Variants in XKR4 observed in about 807,000 individuals in gnomAD.
XKR4 encodes the protein XK related 4, also known as XK-related protein 4.
A neutral mutation model predicts 53.9 loss-of-function variants in XKR4; 12 were observed. That is an observed-to-expected ratio of 0.22 (90% confidence interval 0.14 to 0.36). The LOEUF is 0.36. XKR4 is among the 10% of genes least tolerant of loss of function. The pLI is 1.00. For synonymous variants in XKR4, 354 were observed against 362.4 expected (o/e 0.98, Z 0.26); for missense variants, 799 against 859.5 (o/e 0.93, Z 0.88).
At chr8:55,330,459 G>A (rs1803367281) in intron 1 of XKR4, among the ~76,000 whole-genome samples, 1 of 152,100 alleles carries the variant, frequency 6.6e-6, no homozygotes, top group African/African-American at 2.4e-5. Context: ...ACTTGTGTAA[G>A]TAGTGAATTC....
At chr8:55,429,490 C>T (rs1208463643) in intron 2 of XKR4, among the ~76,000 whole-genome samples, 5 of 151,990 alleles carry the variant, frequency 3.3e-5, no homozygotes, top group African/African-American at 7.2e-5. Context: ...AGGAGAATTG[C>T]TTGAGGCCAG....
intron 2 of XKR4, among the ~76,000 whole-genome samples, chr8:55,496,503 A>G (rs184754750): frequency 6.6e-6 from 1 of 152,356 alleles, no homozygotes; most frequent in East Asian, 1.9e-4. Context: ...TACTCATCTA[A>G]AAATTAGGGC....
intron 2 of XKR4, among the ~76,000 whole-genome samples, chr8:55,428,840 C>T (rs1563347655): frequency 6.6e-6 from 1 of 152,204 alleles, no homozygotes; most frequent in African/African-American, 2.4e-5. Context: ...ATAGCAAAGT[C>T]GTCAATTCTT....
intron 2 of XKR4, among the ~76,000 whole-genome samples, chr8:55,521,376 T>A (rs571594361): frequency 6.6e-6 from 1 of 152,356 alleles, no homozygotes; most frequent in Non-Finnish European, 1.5e-5. Flanking sequence ...CCTTCTTTTG[T>A]CATTTTTTAA....
intron 1 of XKR4, among the ~76,000 whole-genome samples, chr8:55,120,743 G>A (rs929810364): frequency 3.3e-5 from 5 of 152,052 alleles, no homozygotes; most frequent in Admixed American, 1.3e-4. Flanking sequence ...ATGAACTAAA[G>A]TCTATAGTTT....
At chr8:55,488,579 T>G (rs1806227043) in intron 2 of XKR4, among the ~76,000 whole-genome samples, 1 of 152,148 alleles carries the variant, frequency 6.6e-6, no homozygotes, top group Non-Finnish European at 1.5e-5. Context: ...CAGAAGCCAA[T>G]CTGAAAAGAC....
intron 1 of XKR4, among the ~76,000 whole-genome samples, chr8:55,166,306 A>C (rs1199829142): frequency 6.6e-6 from 1 of 152,240 alleles, no homozygotes; most frequent in Non-Finnish European, 1.5e-5. Flanking sequence ...TCTACAGAGA[A>C]GTTCCAGCAC....
chr8:55,225,526 A>G (rs959400593), intron 1 of XKR4, among the ~76,000 whole-genome samples: 2 of 152,198 alleles, frequency 1.3e-5, no homozygotes, highest in Non-Finnish European at 1.5e-5. Context: ...GCCTGGAAAT[A>G]TCTATGGAAC....
chr8:55,319,769 A>C (rs1025983069), intron 1 of XKR4, among the ~76,000 whole-genome samples: 2 of 152,374 alleles, frequency 1.3e-5, no homozygotes, highest in South Asian at 2.1e-4. Context: ...TCTAGGAAGT[A>C]AGTTATTTTT....
At position 55,527,491 on chromosome 8, in the gene XKR4, A is replaced by T. The variant is rs759459696; in HGVS notation, c.*3264A>T. On this transcript the variant is annotated 3_prime_UTR_variant, in exon 3 of 3. Coordinates refer to ENST00000327381, the MANE Select transcript of XKR4 (RefSeq NM_052898.2). The stretch of plus-strand genomic sequence containing the variant: ...ATTTCTAAATATGAAACCATGTTTA[A>T]TGAATATATATAATGTGTGTGTGTG... 3.9e-5 allele frequency: 6 copies of T among 152,216 alleles called. No individual in the cohort carries two copies. The highest frequency in any genetic ancestry group is 8.8e-5 in the Non-Finnish European group (6 of 68,024). The allele number at this position is 152,216 out of a possible 1,614,324, so 9.4% of individuals were successfully genotyped here.
rs1421939200 is a variant in XKR4 at position 55,540,553 on chromosome 8, C to G, written c.*16326C>G. On this transcript the variant is annotated 3_prime_UTR_variant, in exon 3 of 3. Coordinates refer to ENST00000327381, the MANE Select transcript of XKR4 (RefSeq NM_052898.2). ...CTACTAAATAGTTTCTGCTTTTCCTCTCTGTAGCCAGACAGCTCAATAGCC... is the reference window on the plus strand; with the variant it reads ...CTACTAAATAGTTTCTGCTTTTCCTGTCTGTAGCCAGACAGCTCAATAGCC... 1.3e-5 allele frequency: 2 copies of G among 152,180 alleles called. No homozygotes were observed. Among genetic ancestry groups the G allele is most frequent in the Non-Finnish European group, 2.9e-5 (2 of 68,040 alleles). 9.4% of individuals were successfully genotyped at this position (152,180 alleles called of 1,614,324 possible). A position where few individuals can be genotyped will look rare whatever the true frequency, so the allele number is the denominator to read the frequency against.
At chr8:55,508,178 C>T (rs760697204) in intron 2 of XKR4, among the ~76,000 whole-genome samples, 1 of 152,014 alleles carries the variant, frequency 6.6e-6, no homozygotes, top group South Asian at 2.1e-4. Flanking sequence ...CTATTAGGGA[C>T]ATGTCTTGGT....
chr8:55,311,403 G>T (rs1379484555), intron 1 of XKR4, among the ~76,000 whole-genome samples: 1 of 152,154 alleles, frequency 6.6e-6, no homozygotes, highest in Non-Finnish European at 1.5e-5. Flanking sequence ...AGCAAAATAG[G>T]GAAGTGGTGA....
intron 1 of XKR4, among the ~76,000 whole-genome samples, chr8:55,296,983 G>A (rs575905754): frequency 6.6e-6 from 1 of 152,226 alleles, no homozygotes; most frequent in African/African-American, 2.4e-5. Context: ...AATGCTTAAC[G>A]ATTGAGGGTC....
intron 2 of XKR4, among the ~76,000 whole-genome samples, chr8:55,440,141 T>A (rs1395394): frequency 0.72 from 109,873 of 152,110 alleles, 40,773 homozygotes; most frequent in African/African-American, 0.91. Context: ...GTATCCAGAA[T>A]ATAGTATGTT....
At chr8:55,317,495 C>A (rs2129378995) in intron 1 of XKR4, among the ~76,000 whole-genome samples, 1 of 152,294 alleles carries the variant, frequency 6.6e-6, no homozygotes, top group South Asian at 2.1e-4. Flanking sequence ...ACTCATACTG[C>A]ATCTGAGAAA....
At chr8:55,191,075 T>C (rs185621010) in intron 1 of XKR4, among the ~76,000 whole-genome samples, 5 of 152,314 alleles carry the variant, frequency 3.3e-5, no homozygotes, top group Non-Finnish European at 5.9e-5. Flanking sequence ...CCTTAGTCTG[T>C]AGCTCTGTGG....
rs572706593 is a variant in XKR4, at chr8:55,171,950, G to A, written c.806+68656G>A. Among the ~76,000 whole-genome samples the A allele has an allele frequency of 1.4e-4, 22 of 152,152 alleles. No individual in the cohort carries two copies. The East Asian group carries it at 3.3e-3, about 23-fold the overall frequency. ...CTCCAGAGGGGTCTTTCTGATAGAC[G>A]TGTTCTATCATTAAAATTCTTCCCT... On this transcript the variant is annotated intron_variant, in intron 1 of 2. Transcript: ENST00000327381.
At chr8:55,467,299 G>T (rs1805789818) in intron 2 of XKR4, among the ~76,000 whole-genome samples, 1 of 152,144 alleles carries the variant, frequency 6.6e-6, no homozygotes, top group Non-Finnish European at 1.5e-5. Context: ...CATTTGGTTA[G>T]ACCAGCCCCA....
Sources: gnomAD v4.1 joint callset for allele counts (sites outside exome capture counted in the v4.1 genomes callset) on GRCh38, gnomAD v4.1.1 for gene constraint, MANE v1.5 for transcripts, NCBI Gene and HGNC (gene_info 2026-07-23, HGNC 2026-07-21) for gene names.